The following MS4A4E variants were observed in gnomAD, a reference collection of about 807,000 sequenced individuals.
The protein encoded by MS4A4E is membrane spanning 4-domains A4E, also known as putative membrane-spanning 4-domains subfamily A member 4E.
In MS4A4E, 23 loss-of-function variants were observed where a neutral mutation model predicts 13.3. The ratio of observed to expected loss-of-function variants is 1.73; its 90% confidence interval spans 1.25 to 2.45. The LOEUF is 2.45. Among genes scored for constraint, MS4A4E ranks in the 30% most tolerant of loss-of-function variants. The probability of loss-of-function intolerance (pLI) is 0.00; values close to 1 mark genes in which losing one functional copy is unlikely to be tolerated. For missense variants in MS4A4E, 144 were observed against 131.2 expected (o/e 1.10, Z -0.48); for synonymous variants, 36 against 45.6 (o/e 0.79, Z 0.85).
At chr11:60,220,567 G>A (rs2084257609) in intron 3 of MS4A4E, among the ~76,000 whole-genome samples, 1 of 152,120 alleles carries the variant, frequency 6.6e-6, no homozygotes, top group African/African-American at 2.4e-5. Context: ...CCATTATATT[G>A]ATGCCATTAT....
At chr11:60,229,632 T>C (rs1044368687) in intron 2 of MS4A4E, among the ~76,000 whole-genome samples, 9 of 152,212 alleles carry the variant, frequency 5.9e-5, no homozygotes, top group Non-Finnish European at 1.3e-4. Flanking sequence ...CCTTTTCTTT[T>C]GCCGTTCTTC....
At chr11:60,228,223 C>T (rs2084367390) in intron 3 of MS4A4E, among the ~76,000 whole-genome samples, 1 of 152,032 alleles carries the variant, frequency 6.6e-6, no homozygotes, top group Admixed American at 6.6e-5. Flanking sequence ...TCAAAATATA[C>T]AACGAAATTC....
chr11:60,238,173 A>G (rs936605601), intron 1 of MS4A4E, among the ~76,000 whole-genome samples: 1 of 151,790 alleles, frequency 6.6e-6, no homozygotes, highest in South Asian at 2.1e-4. Flanking sequence ...TTTGGTGTCA[A>G]AATAATACTA....
At chr11:60,205,927 C>T (rs2084033613) in intron 6 of MS4A4E, among the ~76,000 whole-genome samples, 107 bp from the exon 7 acceptor site, 1 of 152,090 alleles carries the variant, frequency 6.6e-6, no homozygotes, top group African/African-American at 2.4e-5. Flanking sequence ...TAATTCTGCC[C>T]AGCAGAAGGT....
intron 8 of MS4A4E, among the ~76,000 whole-genome samples, chr11:60,202,675 C>A (rs2084001770): frequency 6.6e-6 from 1 of 152,194 alleles, no homozygotes; most frequent in South Asian, 2.1e-4. Context: ...GCATGCCCAG[C>A]TGATTACTTG....
At chr11:60,238,198 GT>G (rs1358163285) in intron 1 of MS4A4E, among the ~76,000 whole-genome samples, 1 of 151,764 alleles carries the variant, frequency 6.6e-6, no homozygotes, top group East Asian at 1.9e-4. Flanking sequence ...TATGTAATAA[GT>G]TTGGAATTGT....
intron 3 of MS4A4E, among the ~76,000 whole-genome samples, chr11:60,218,365 G>A (rs2084223919): frequency 6.6e-6 from 1 of 152,076 alleles, no homozygotes; most frequent in South Asian, 2.1e-4. Flanking sequence ...CTATTACCTT[G>A]TACAGTACTT....
intron 3 of MS4A4E, among the ~76,000 whole-genome samples, chr11:60,217,770 C>T (rs1382890958): frequency 6.6e-6 from 1 of 152,206 alleles, no homozygotes; most frequent in Non-Finnish European, 1.5e-5. Context: ...CCCGTCTTTA[C>T]TTTCATCTCT....
At position 60,230,178 on chromosome 11, in the gene MS4A4E, C is replaced by G. The variant is rs530965766; in HGVS notation, c.-16-107G>C. The stretch of plus-strand genomic sequence containing the variant: ...AAGGACAAAACCTGGTCTACATTCC[C>G]CTCCAATATTATAACAGTTGTTAGA... On this transcript the variant is annotated intron_variant, in intron 1 of 8. Coordinates refer to ENST00000651255, the MANE Select transcript of MS4A4E (RefSeq NM_001393391.1). 7.3e-6 allele frequency: 9 copies of G among 1,226,222 alleles called. No individual in the cohort carries two copies. In the South Asian group the frequency reaches 8.9e-5, roughly 12 times the overall value. 76.0% of individuals were successfully genotyped at this position (1,226,222 alleles called of 1,614,324 possible).
At chr11:60,214,463 G>T in intron 4 of MS4A4E, 108 bp downstream of exon 4, 1 of 660,028 alleles carries the variant, frequency 1.5e-6, no homozygotes, top group Non-Finnish European at 2.3e-6. Flanking sequence ...ATGCATAGTT[G>T]CTCCTGACTT....
chr11:60,222,196 C>T (rs1028443836), intron 3 of MS4A4E, among the ~76,000 whole-genome samples: 10 of 152,204 alleles, frequency 6.6e-5, no homozygotes, highest in African/African-American at 2.4e-4. Context: ...CCAGAATAGA[C>T]ACTTACTTTG....
intron 1 of MS4A4E, among the ~76,000 whole-genome samples, chr11:60,235,378 C>G (rs951909742): frequency 6.6e-6 from 1 of 152,156 alleles, no homozygotes; most frequent in Non-Finnish European, 1.5e-5. Flanking sequence ...TAGGTGTGAG[C>G]CACAGTGACT....
At chr11:60,230,723 G>C (rs942769015) in intron 1 of MS4A4E, among the ~76,000 whole-genome samples, 1 of 152,162 alleles carries the variant, frequency 6.6e-6, no homozygotes, top group African/African-American at 2.4e-5. Context: ...GAAATTCCAA[G>C]CACAAAGATA....
chr11:60,227,284 G>GGT (rs1228511318), intron 3 of MS4A4E, among the ~76,000 whole-genome samples: 1 of 152,150 alleles, frequency 6.6e-6, no homozygotes, highest in Non-Finnish European at 1.5e-5. Context: ...GGGCGTGGTG[G>GGT]CTCACCCCTG....
In MS4A4E at chr11:60,201,291, C is replaced by A; in HGVS notation, c.*252G>T. On this transcript the variant is annotated 3_prime_UTR_variant, in exon 9 of 9. Coordinates refer to ENST00000651255, the MANE Select transcript of MS4A4E (RefSeq NM_001393391.1). ...GATGGGGCAGCTGGCCTGGCGGGGGCTGACCCCCACCTCCCTCCCGGACGG... is the reference window on the plus strand; with the variant it reads ...GATGGGGCAGCTGGCCTGGCGGGGGATGACCCCCACCTCCCTCCCGGACGG... 1 of 157,994 alleles carries A rather than the reference C, an allele frequency of 6.3e-6. No homozygotes were observed. The highest frequency in any genetic ancestry group is 1.4e-5 in the Non-Finnish European group (1 of 73,428). 9.8% of individuals were successfully genotyped at this position (157,994 alleles called of 1,614,324 possible). A position where few individuals can be genotyped will look rare whatever the true frequency, so the allele number is the denominator to read the frequency against.
chr11:60,241,774 G>A (rs1212878568), intron 1 of MS4A4E, among the ~76,000 whole-genome samples: 1 of 152,138 alleles, frequency 6.6e-6, no homozygotes, highest in East Asian at 1.9e-4. Flanking sequence ...ATGAGGGAGG[G>A]ACATTTCTTT....
chr11:60,228,667 C>T (rs2084372592), intron 2 of MS4A4E, 40 bp from the exon 3 acceptor site: 3 of 692,268 alleles, frequency 4.3e-6, no homozygotes, highest in Non-Finnish European at 5.3e-6. Flanking sequence ...TCCTAATTGC[C>T]AAAGTTTGGA....
intron 3 of MS4A4E, among the ~76,000 whole-genome samples, chr11:60,223,072 T>G (rs2084292823): frequency 6.6e-6 from 1 of 151,526 alleles, no homozygotes; most frequent in African/African-American, 2.4e-5. Flanking sequence ...CACAACCTGC[T>G]GAGGTGCTTC....
At chr11:60,209,757 G>A (rs582407) in intron 5 of MS4A4E, among the ~76,000 whole-genome samples, 1 of 152,144 alleles carries the variant, frequency 6.6e-6, no homozygotes, top group African/African-American at 2.4e-5. Flanking sequence ...ACTGATGCAG[G>A]GATTATCTGG....
Sources: allele counts gnomAD v4.1 joint callset (sites outside exome capture counted in the v4.1 genomes callset), GRCh38; gene constraint gnomAD v4.1.1; transcripts MANE v1.5; gene names NCBI Gene and HGNC (gene_info 2026-07-23, HGNC 2026-07-21).